The following EHBP1 variants were observed in gnomAD, a reference collection of about 807,000 sequenced individuals.
The protein encoded by EHBP1 is EH domain-binding protein 1.
Under a neutral mutation model 144.0 loss-of-function variants are expected in EHBP1, and 55 were observed. The ratio of observed to expected loss-of-function variants is 0.38; its 90% CI spans 0.31 to 0.48. The LOEUF is 0.48. EHBP1 is among the 20% of genes least tolerant of loss of function. The probability of loss-of-function intolerance (pLI) is 0.98; values close to 1 mark genes in which losing one functional copy is unlikely to be tolerated. For missense variants in EHBP1, 1,200 were observed against 1,364.2 expected (o/e 0.88, Z 1.90); for synonymous variants, 469 against 472.7 (o/e 0.99, Z 0.10).
chr2:62,823,366 C>T (rs1386699639), intron 5 of EHBP1, among the ~76,000 whole-genome samples: 1 of 152,090 alleles, frequency 6.6e-6, no homozygotes, highest in Non-Finnish European at 1.5e-5. Flanking sequence ...CTACTAGCTC[C>T]TCTTACTCTT....
At chr2:63,001,324 C>T (rs1003075073) in intron 19 of EHBP1, among the ~76,000 whole-genome samples, 1 of 152,178 alleles carries the variant, frequency 6.6e-6, no homozygotes, top group Non-Finnish European at 1.5e-5. Context: ...CTCAAAAATA[C>T]TGATACTGTA....
At chr2:62,738,188 G>A (rs529506599) in intron 2 of EHBP1, among the ~76,000 whole-genome samples, 15 of 152,076 alleles carry the variant, frequency 9.9e-5, no homozygotes, top group Non-Finnish European at 1.5e-4. Flanking sequence ...TGTTGATTTG[G>A]TAGGTGAGGA....
intron 1 of EHBP1, among the ~76,000 whole-genome samples, chr2:62,679,096 A>G (rs1247167864): frequency 2.6e-5 from 4 of 152,246 alleles, no homozygotes; most frequent in Non-Finnish European, 5.9e-5. Flanking sequence ...CTTGGACTCT[A>G]TAGCCTATGC....
chr2:62,898,348 G>T (rs2053111947), intron 10 of EHBP1, among the ~76,000 whole-genome samples: 1 of 152,062 alleles, frequency 6.6e-6, no homozygotes, highest in African/African-American at 2.4e-5. Context: ...AAACCTGAGG[G>T]GTGAGCCGTG....
chr2:62,986,599 C>T (rs1020306186), intron 15 of EHBP1, among the ~76,000 whole-genome samples: 4 of 151,876 alleles, frequency 2.6e-5, no homozygotes, highest in Non-Finnish European at 5.9e-5. Flanking sequence ...CCACCACACC[C>T]GGCTAATTTT....
intron 7 of EHBP1, among the ~76,000 whole-genome samples, chr2:62,844,754 CA>C (rs1415076384): frequency 2.6e-5 from 4 of 152,160 alleles, no homozygotes; most frequent in Non-Finnish European, 5.9e-5. Context: ...AGAACTCAGA[CA>C]TTATGAGGCT....
chr2:63,038,639 GA>G lies in EHBP1; in HGVS notation c.3204-100del, dbSNP rs1346064973. ...ATTTGGAGTGGCTTAAACTTAAAGA[GA>G]AAAGTCAGTTATGAGTCCTAAAATC... On this transcript the variant is annotated intron_variant, in intron 20 of 22. Transcript: ENST00000431489. 2.4e-5 allele frequency: 24 copies of G among 1,014,254 alleles called. No individual in the cohort carries two copies. The East Asian group carries it at 4.5e-4, about 19-fold the overall frequency. The allele number at this position is 1,014,254 out of a possible 1,614,324, so 62.8% of individuals were successfully genotyped here. A position where few individuals can be genotyped will look rare whatever the true frequency, so the allele number is the denominator to read the frequency against.
At chr2:62,752,967 T>C (rs2039897896) in intron 3 of EHBP1, among the ~76,000 whole-genome samples, 2 of 152,338 alleles carry the variant, frequency 1.3e-5, no homozygotes, top group Non-Finnish European at 2.9e-5. Context: ...ATTGCCAGTT[T>C]GTTTCTTTCA....
At chr2:62,688,696 T>C (rs1193047576) in intron 1 of EHBP1, among the ~76,000 whole-genome samples, 1 of 152,216 alleles carries the variant, frequency 6.6e-6, no homozygotes, top group Non-Finnish European at 1.5e-5. Flanking sequence ...ACTTTTTTTT[T>C]TTAGCTTCCA....
rs138802080 is a variant in EHBP1 at position 62,995,329 on chromosome 2, TTGTCAAC to T, written c.2980-1311_2980-1305del. 1.5e-3 allele frequency among the ~76,000 whole-genome samples: 228 copies of T among 152,168 alleles called. 1 individual carries two copies. The highest frequency in any genetic ancestry group is 2.7e-3 in the Non-Finnish European group (182 of 67,928). On this transcript the variant is annotated intron_variant, in intron 18 of 22. Transcript: ENST00000431489. Reference sequence around the variant, plus strand: ...TTCTTAAAATATTTTAACTTTAAATTTGTCAACTGCCATAATCAATTTAATAATAAGT... The same window carrying T: ...TTCTTAAAATATTTTAACTTTAAATTTGCCATAATCAATTTAATAATAAGT...
intron 9 of EHBP1, among the ~76,000 whole-genome samples, chr2:62,867,645 A>G (rs1306691725): frequency 6.6e-6 from 1 of 152,254 alleles, no homozygotes; most frequent in East Asian, 1.9e-4. Flanking sequence ...CAGTCAATTT[A>G]TAAATTCAGT....
At chr2:62,794,690 C>A (rs907793536) in intron 5 of EHBP1, among the ~76,000 whole-genome samples, 1 of 151,876 alleles carries the variant, frequency 6.6e-6, no homozygotes, top group Non-Finnish European at 1.5e-5. Context: ...ACCATATTTA[C>A]TATTGAATCT....
chr2:62,819,619 C>T (rs1366567763), intron 5 of EHBP1, among the ~76,000 whole-genome samples: 1 of 151,736 alleles, frequency 6.6e-6, no homozygotes, highest in Non-Finnish European at 1.5e-5. Flanking sequence ...CAAAAATTAA[C>T]TAGGCATGGT....
At chr2:63,022,284 CTTCCTCT>C (rs1482194475) in intron 19 of EHBP1, among the ~76,000 whole-genome samples, 1 of 151,822 alleles carries the variant, frequency 6.6e-6, no homozygotes, top group African/African-American at 2.4e-5. Context: ...CTCCTTCCTC[CTTCCTCT>C]TTCCTCCTTC....
chr2:62,838,401 A>G lies in EHBP1; in HGVS notation c.634+7243A>G, dbSNP rs1332275330. On this transcript the variant is annotated intron_variant, in intron 7 of 22. Coordinates refer to ENST00000431489, the MANE Select transcript of EHBP1 (RefSeq NM_001142616.3). ...CAAGAGAAAGCAGGAAAGATCCAAA[A>G]TTGACACCCTAACATCACAATTAAA... Among the ~76,000 whole-genome samples the G allele has an allele frequency of 4.6e-4, 69 of 151,404 alleles. 1 individual carries two copies. The highest frequency in any genetic ancestry group is 1.5e-3 in the African/African-American group (61 of 41,478).
At chr2:62,954,590 A>T (rs1021705111) in intron 13 of EHBP1, among the ~76,000 whole-genome samples, 2 of 152,156 alleles carry the variant, frequency 1.3e-5, no homozygotes, top group African/African-American at 2.4e-5. Flanking sequence ...TTTAAAAAAT[A>T]GTTGTAGTAA....
chr2:62,856,215 G>T (rs1164921842), intron 7 of EHBP1, among the ~76,000 whole-genome samples: 1 of 152,208 alleles, frequency 6.6e-6, no homozygotes, highest in Non-Finnish European at 1.5e-5. Flanking sequence ...GCTGAAACAT[G>T]CCCCTTGCTC....
chr2:62,714,432 A>G (rs937444619), intron 2 of EHBP1, among the ~76,000 whole-genome samples: 1 of 152,226 alleles, frequency 6.6e-6, no homozygotes, highest in Non-Finnish European at 1.5e-5. Context: ...CCTTATAGAA[A>G]GAAACTTTAG....
intron 1 of EHBP1, among the ~76,000 whole-genome samples, chr2:62,698,871 G>T (rs2034189565): frequency 6.6e-6 from 1 of 152,200 alleles, no homozygotes; most frequent in South Asian, 2.1e-4. Flanking sequence ...TGAAAGCTGG[G>T]TTTATTTTCC....
Sources: gnomAD v4.1 joint callset for allele counts (sites outside exome capture counted in the v4.1 genomes callset) on GRCh38, gnomAD v4.1.1 for gene constraint, MANE v1.5 for transcripts, NCBI Gene and HGNC (gene_info 2026-07-23, HGNC 2026-07-21) for gene names.